The following CDH18 variants were observed in gnomAD, a reference collection of about 807,000 sequenced individuals.
CDH18 encodes the protein cadherin 18.
A neutral mutation model predicts 67.9 loss-of-function variants in CDH18; 31 were observed. That is an observed-to-expected ratio of 0.46 (90% CI 0.34 to 0.62). The LOEUF (loss-of-function observed/expected upper bound fraction) is 0.62, where lower values mean the gene tolerates loss of function less well. Ranked by LOEUF, CDH18 falls within the 20% of genes least tolerant of loss-of-function variation. The pLI, the probability that CDH18 is intolerant of heterozygous loss-of-function variation, is 0.01. For missense variants in CDH18, 890 were observed against 975.5 expected (o/e 0.91, Z 1.17); for synonymous variants, 362 against 347.2 (o/e 1.04, Z -0.48).
At chr5:20,075,884 C>CA (rs201522373) in intron 2 of CDH18, among the ~76,000 whole-genome samples, 9 of 151,620 alleles carry the variant, frequency 5.9e-5, no homozygotes, top group South Asian at 4.2e-4. Flanking sequence ...TTGAGTATTT[C>CA]AAAAAAAATC....
At chr5:19,808,496 A>G (rs1176979075) in intron 3 of CDH18, among the ~76,000 whole-genome samples, 3 of 152,162 alleles carry the variant, frequency 2.0e-5, no homozygotes, top group Non-Finnish European at 4.4e-5. Flanking sequence ...AATGTTAAAA[A>G]CAATTCATTT....
intron 3 of CDH18, among the ~76,000 whole-genome samples, chr5:19,757,375 C>A (rs1246128329): frequency 6.6e-6 from 1 of 152,176 alleles, no homozygotes; most frequent in African/African-American, 2.4e-5. Context: ...ATATTGAGGG[C>A]TCAGTGTTGG....
Position 20,311,766 on chromosome 5 carries a change from G to T in CDH18, c.-579-56261C>A, listed in dbSNP as rs190781927. ...TATGTAACAAAACTGCACTTTCTGT[G>T]CATGTACCCCAGAACTTAAAGTATA... On this transcript the variant is annotated intron_variant, in intron 1 of 14. Transcript: ENST00000507958. Among the ~76,000 whole-genome samples, 120 of 152,122 alleles carry T rather than the reference G, an allele frequency of 7.9e-4. 1 individual carries two copies. The highest frequency in any genetic ancestry group is 2.8e-3 in the African/African-American group (117 of 41,508).
intron 5 of CDH18, among the ~76,000 whole-genome samples, chr5:19,686,077 T>C (rs1252180860): frequency 6.6e-6 from 1 of 152,194 alleles, no homozygotes; most frequent in Non-Finnish European, 1.5e-5. Context: ...ACTTGTAATA[T>C]GAATAAATTA....
intron 5 of CDH18, among the ~76,000 whole-genome samples, chr5:19,644,725 A>C (rs1012195494): frequency 2.6e-5 from 4 of 152,288 alleles, no homozygotes; most frequent in African/African-American, 7.2e-5. Context: ...ATGACCCGTG[A>C]AGCATCTGCA....
intron 2 of CDH18, among the ~76,000 whole-genome samples, chr5:20,213,815 T>A (rs894476685): frequency 6.6e-6 from 1 of 152,110 alleles, no homozygotes; most frequent in Non-Finnish European, 1.5e-5. Context: ...ATTTTACTAA[T>A]TTTTAAAGAA....
chr5:20,321,519 A>C (rs142996837), intron 1 of CDH18, among the ~76,000 whole-genome samples: 1 of 152,120 alleles, frequency 6.6e-6, no homozygotes, highest in East Asian at 1.9e-4. Context: ...ATGTCATTTC[A>C]CATTACTTTT....
chr5:20,564,302 G>T (rs957615857), intron 1 of CDH18, among the ~76,000 whole-genome samples: 1 of 39,362 alleles, frequency 2.5e-5, no homozygotes, highest in African/African-American at 7.1e-5. Flanking sequence ...ATTTTAGATG[G>T]AGTTTCGCTC....
intron 2 of CDH18, among the ~76,000 whole-genome samples, chr5:20,117,995 G>C (rs1234701495): frequency 6.6e-6 from 1 of 152,150 alleles, no homozygotes; most frequent in African/African-American, 2.4e-5. Flanking sequence ...TGTGGGGGGA[G>C]AGTATGTTAA....
intron 2 of CDH18, among the ~76,000 whole-genome samples, chr5:19,950,481 A>G (rs767500603): frequency 2.6e-5 from 4 of 152,156 alleles, no homozygotes; most frequent in Admixed American, 6.6e-5. Flanking sequence ...GAACTTACCT[A>G]TGTAACCAAA....
intron 1 of CDH18, among the ~76,000 whole-genome samples, chr5:20,318,114 A>G (rs1737641059): frequency 6.6e-6 from 1 of 152,166 alleles, no homozygotes; most frequent in African/African-American, 2.4e-5. Flanking sequence ...GCATTTTGTA[A>G]CATCTATTAG....
At chr5:20,560,468 T>TACATAC (rs1554019493) in intron 1 of CDH18, among the ~76,000 whole-genome samples, 3 of 127,606 alleles carry the variant, frequency 2.4e-5, no homozygotes, top group East Asian at 2.6e-4. Context: ...CCAACACTCA[T>TACATAC]ACACACACAC....
chr5:19,880,494 GATTT>G (rs1390686771), intron 2 of CDH18, among the ~76,000 whole-genome samples: 7 of 152,026 alleles, frequency 4.6e-5, no homozygotes, highest in Non-Finnish European at 1.0e-4. Flanking sequence ...AAGAAGGATA[GATTT>G]ATTTGACAGT....
intron 2 of CDH18, among the ~76,000 whole-genome samples, chr5:20,113,176 A>G (rs1481469700): frequency 6.6e-6 from 1 of 152,190 alleles, no homozygotes; most frequent in African/African-American, 2.4e-5. Context: ...TCTGGGAAAT[A>G]CTGAGTCATG....
intron 2 of CDH18, among the ~76,000 whole-genome samples, chr5:20,072,562 T>C (rs775372111): frequency 5.8e-4 from 88 of 151,880 alleles, no homozygotes; most frequent in Non-Finnish European, 9.7e-4. Context: ...TCTGGAGAAG[T>C]GATATTTTAA....
upstream of CDH18, among the ~76,000 whole-genome samples, chr5:19,989,182 C>G (rs1054404845): frequency 6.6e-6 from 1 of 152,150 alleles, no homozygotes; most frequent in Non-Finnish European, 1.5e-5. Context: ...TTAAAGTAAA[C>G]AAGTGTAGGA....
chr5:19,769,041 A>G (rs1450398418), intron 3 of CDH18, among the ~76,000 whole-genome samples: 1 of 151,910 alleles, frequency 6.6e-6, no homozygotes, highest in Admixed American at 6.6e-5. Flanking sequence ...AGGAAAAAGA[A>G]TGACAAAAAA....
At chr5:19,667,744 A>G (rs963195596) in intron 5 of CDH18, among the ~76,000 whole-genome samples, 2 of 151,898 alleles carry the variant, frequency 1.3e-5, no homozygotes, top group African/African-American at 4.8e-5. Flanking sequence ...ATATATTTTC[A>G]TATCTTCATA....
intron 3 of CDH18, among the ~76,000 whole-genome samples, chr5:19,756,923 G>A (rs961789060): frequency 1.1e-4 from 17 of 152,116 alleles, no homozygotes; most frequent in Non-Finnish European, 1.8e-4. Context: ...ACAATATAGC[G>A]GATGCTGATT....
Sources: gnomAD v4.1 joint callset for allele counts (sites outside exome capture counted in the v4.1 genomes callset) on GRCh38, gnomAD v4.1.1 for gene constraint, MANE v1.5 for transcripts, NCBI Gene and HGNC (gene_info 2026-07-23, HGNC 2026-07-21) for gene names.